Variants in MROH2A observed in about 807,000 individuals in gnomAD.
MROH2A encodes maestro heat-like repeat-containing protein family member 2A.
A neutral mutation model predicts 200.4 loss-of-function variants in MROH2A; 174 were observed. The observed-to-expected ratio is 0.87, with a 90% CI of 0.77 to 0.98. The LOEUF is 0.98. Among genes scored for constraint, MROH2A ranks in the 50% least tolerant of loss-of-function variants. MROH2A has a pLI of 0.00. For synonymous variants in MROH2A, 829 were observed against 840.4 expected (o/e 0.99, Z 0.23); for missense variants, 2,045 against 2,139.6 (o/e 0.96, Z 0.87).
intron 23 of MROH2A, 112 bp downstream of exon 23, chr2:233,811,028 T>C (rs938495974): frequency 8.1e-7 from 1 of 1,231,168 alleles, no homozygotes; most frequent in Non-Finnish European, 1.1e-6. Flanking sequence ...TCTGAAGTCC[T>C]TCCCTGTCTT....
chr2:233,820,169 C>T lies in MROH2A; in HGVS notation c.3512+113C>T. 1.0e-6 allele frequency: 1 copy of T among 967,384 alleles called. No individual in the cohort carries two copies. The highest frequency in any genetic ancestry group is 1.4e-6 in the Non-Finnish European group (1 of 702,680). 59.9% of individuals were successfully genotyped at this position (967,384 alleles called of 1,614,324 possible). On this transcript the variant is annotated intron_variant, in intron 31 of 41. Transcript: ENST00000389758. The surrounding 1 kb of genome is among the most constrained non-coding windows in gnomAD (Gnocchi z 4.1). Reference sequence around the variant, plus strand: ...GCCTTGGGCAGTACCCTGCCCCACCCTGAAGGAGGTCGAAGCCCTCTTCCT... The same window carrying T: ...GCCTTGGGCAGTACCCTGCCCCACCTTGAAGGAGGTCGAAGCCCTCTTCCT...
chr2:233,798,695 T>C (rs1500479), intron 11 of MROH2A, 79 bp from the exon 12 acceptor site: 856,146 of 1,005,470 alleles, frequency 0.85, 365,764 homozygotes, highest in African/African-American at 0.88. Flanking sequence ...AGACAGAACG[T>C]GAGGCCCTGA....
At chr2:233,832,023 T>C (rs1317807940) in intron 39 of MROH2A, among the ~76,000 whole-genome samples, 154 bp from the exon 40 acceptor site, 2 of 152,196 alleles carry the variant, frequency 1.3e-5, no homozygotes, top group Non-Finnish European at 2.9e-5. Flanking sequence ...TGGCCAGTGG[T>C]CCTTCACTTG....
At chr2:233,808,224 T>G (rs1702929799) in intron 21 of MROH2A, among the ~76,000 whole-genome samples, 1 of 151,988 alleles carries the variant, frequency 6.6e-6, no homozygotes, top group Admixed American at 6.6e-5. Flanking sequence ...TAGTGCTCAG[T>G]GGGTGCTTGA....
At chr2:233,814,537 G>T in intron 25 of MROH2A, 45 bp from the exon 26 acceptor site, 1 of 1,426,376 alleles carries the variant, frequency 7.0e-7, no homozygotes, top group Non-Finnish European at 9.7e-7. Context: ...GGGGGTTGTG[G>T]GTGCCCCTCA....
intron 3 of MROH2A, among the ~76,000 whole-genome samples, 182 bp from the exon 4 acceptor site, chr2:233,789,315 T>C (rs1701578064): frequency 6.6e-6 from 1 of 151,914 alleles, no homozygotes; most frequent in Non-Finnish European, 1.5e-5. Context: ...ACAGGGCCAG[T>C]GGGATGAGAA....
At position 233,810,778 on chromosome 2, in the gene MROH2A, C is replaced by T. The variant is rs1195022658; in HGVS notation, c.2449-16C>T. ...TCACAAACATTCTCTCCCTCCTTTT[C>T]CCCTTCTGGGCTCAGGACATCTGTC... On this transcript the variant is annotated splice_polypyrimidine_tract_variant and intron_variant, in intron 22 of 41. Coordinates refer to ENST00000389758, the MANE Select transcript of MROH2A (RefSeq NM_001394639.1). 3.2e-6 allele frequency: 5 copies of T among 1,549,400 alleles called. No homozygotes were observed. In the Admixed American group the frequency reaches 9.8e-5, roughly 30 times the overall value.
rs1202348643 is a variant in MROH2A, at chr2:233,828,196, T to TACACACATGTACACACATGC, written c.4114-432_4114-413dup. On this transcript the variant is annotated intron_variant, in intron 35 of 41. Coordinates refer to ENST00000389758, the MANE Select transcript of MROH2A (RefSeq NM_001394639.1). This position sits in a 1 kb window ranked among gnomAD's most constrained non-coding sequence, Gnocchi z 4.6. ...ACTCAGGTACTTGCATGCACACATGTACACACATGTACACACATGCATGCA... is the reference window on the plus strand; with the variant it reads ...ACTCAGGTACTTGCATGCACACATGTACACACATGTACACACATGCACACACATGTACACACATGCATGCA... 6.6e-6 allele frequency among the ~76,000 whole-genome samples: 1 copy of TACACACATGTACACACATGC among 152,158 alleles called. No individual in the cohort carries two copies. The highest frequency in any genetic ancestry group is 2.4e-5 in the African/African-American group (1 of 41,440).
At chr2:233,782,782 A>G (rs10199525) in intron 3 of MROH2A, among the ~76,000 whole-genome samples, 121,187 of 152,178 alleles carry the variant, frequency 0.8, 48,350 homozygotes, top group East Asian at 0.88. Flanking sequence ...GGGCATTTTT[A>G]TCTTGTTCCA....
chr2:233,797,461 A>G (rs1391599343), intron 11 of MROH2A, among the ~76,000 whole-genome samples: 1 of 152,240 alleles, frequency 6.6e-6, no homozygotes, highest in East Asian at 1.9e-4. Context: ...AATATTATGC[A>G]GCTATTAAAA....
At chr2:233,787,420 C>A (rs978899925) in intron 3 of MROH2A, among the ~76,000 whole-genome samples, 12 of 121,552 alleles carry the variant, frequency 9.9e-5, no homozygotes, top group African/African-American at 3.7e-4. Flanking sequence ...CACACACACA[C>A]ACACACACAC....
chr2:233,814,695 G>A lies in MROH2A; in HGVS notation c.2856+18G>A, dbSNP rs1286499831. 10 of 1,540,084 alleles carry A rather than the reference G, an allele frequency of 6.5e-6. No homozygotes were observed. The highest frequency in any genetic ancestry group is 3.6e-5 in the South Asian group (3 of 83,412). On this transcript the variant is annotated intron_variant, in intron 26 of 41. Coordinates refer to ENST00000389758, the MANE Select transcript of MROH2A (RefSeq NM_001394639.1). ...TGGTGCAGGTGAGTTGCCTGGTGGC[G>A]GGCCAGAGCCAGGGATGGCCACTCC...
At position 233,820,514 on chromosome 2, in the gene MROH2A, C is replaced by G. The variant is rs1482464856; in HGVS notation, c.3512+458C>G. Reference sequence around the variant, plus strand: ...GGGGAGAATGGCCCAACCTCCAGCCCCAGAGGTGGCCATGAGTGATGCAGA... The same window carrying G: ...GGGGAGAATGGCCCAACCTCCAGCCGCAGAGGTGGCCATGAGTGATGCAGA... On this transcript the variant is annotated intron_variant, in intron 31 of 41. Transcript: ENST00000389758. The surrounding 1 kb of genome is among the most constrained non-coding windows in gnomAD (Gnocchi z 4.1). Among the ~76,000 whole-genome samples, 1 of 152,134 alleles carries G rather than the reference C, an allele frequency of 6.6e-6. No homozygotes were observed. The highest frequency in any genetic ancestry group is 1.5e-5 in the Non-Finnish European group (1 of 68,012).
At chr2:233,801,629 C>T (rs1412025917) in intron 14 of MROH2A, among the ~76,000 whole-genome samples, 1 of 152,182 alleles carries the variant, frequency 6.6e-6, no homozygotes, top group African/African-American at 2.4e-5. Flanking sequence ...GCGTTTCACT[C>T]TTAAGGCGTT....
chr2:233,792,877 G>T lies in MROH2A; in HGVS notation c.653G>T (p.Arg218Leu), dbSNP rs750846190. 10 of 1,550,396 alleles carry T rather than the reference G, an allele frequency of 6.4e-6. No individual in the cohort carries two copies. The South Asian group carries it at 9.5e-5, about 15-fold the overall frequency. Residue 218 changes from arginine to leucine, a missense_variant, in exon 6 of 42, where the codon CGC (arginine) becomes CTC (leucine). Transcript: ENST00000389758. ...MLRLANEAKI[R>L]QAICSAMETF... is the part of the protein sequence containing the mutation. ...AGACTTGCCAATGAAGCCAAGATACGCCAGGCGATCTGCAGTGGTGAGTGT... is the reference window on the plus strand; with the variant it reads ...AGACTTGCCAATGAAGCCAAGATACTCCAGGCGATCTGCAGTGGTGAGTGT...
In MROH2A at chr2:233,823,442, C is replaced by T. The variant is rs955694410; in HGVS notation, c.4005-114C>T. 3.9e-5 allele frequency: 50 copies of T among 1,298,442 alleles called. 1 individual carries two copies. Among genetic ancestry groups the T allele is most frequent in the Non-Finnish European group, 5.0e-5 (48 of 961,256 alleles). The allele number at this position is 1,298,442 out of a possible 1,614,324, so 80.4% of individuals were successfully genotyped here. On this transcript the variant is annotated intron_variant, in intron 34 of 41. Coordinates refer to ENST00000389758, the MANE Select transcript of MROH2A (RefSeq NM_001394639.1). ...ACCCAGAGATGTTACGACATCTTTCCGGGGTTATCTTGCCACCAGGGTCCA... is the reference window on the plus strand; with the variant it reads ...ACCCAGAGATGTTACGACATCTTTCTGGGGTTATCTTGCCACCAGGGTCCA...
In MROH2A at chr2:233,833,317, ATTTAGTTTGTAAGAAG is replaced by A. The variant is rs1156325806; in HGVS notation, c.*70_*85del. 1.4e-5 allele frequency: 20 copies of A among 1,446,774 alleles called. No homozygotes were observed. In the East Asian group the frequency reaches 4.2e-4, roughly 30 times the overall value. 89.6% of individuals were successfully genotyped at this position (1,446,774 alleles called of 1,614,324 possible). A position where few individuals can be genotyped will look rare whatever the true frequency, so the allele number is the denominator to read the frequency against. On this transcript the variant is annotated 3_prime_UTR_variant, in exon 42 of 42. Transcript: ENST00000389758. ...TAGTGCCAAATGCAAGCCCTTTTTA[ATTTAGTTTGTAAGAAG>A]TTTAGTTTGTAGGAAAAACACTATT...
intron 22 of MROH2A, among the ~76,000 whole-genome samples, chr2:233,809,911 C>A (rs1703044966): frequency 1.3e-5 from 1 of 79,874 alleles, no homozygotes; most frequent in African/African-American, 4.8e-5. Flanking sequence ...TCTCCATTCC[C>A]TTCTCCTCCC....
chr2:233,801,806 C>A (rs1169556191), intron 14 of MROH2A, among the ~76,000 whole-genome samples: 1 of 152,204 alleles, frequency 6.6e-6, no homozygotes, highest in East Asian at 1.9e-4. Context: ...CAGGCATGCA[C>A]AACTGGATCA....
Sources: allele counts gnomAD v4.1 joint callset (sites outside exome capture counted in the v4.1 genomes callset), GRCh38; gene constraint gnomAD v4.1.1; non-coding constraint Gnocchi (gnomAD v3.1); transcripts MANE v1.5; gene names NCBI Gene and HGNC (gene_info 2026-07-23, HGNC 2026-07-21).